DCC: variants seen among roughly 807,000 people sequenced by gnomAD.
DCC encodes netrin receptor DCC.
DCC carries 58 observed loss-of-function variants against 172.5 expected under a neutral mutation model. That is an observed-to-expected ratio of 0.34 (90% CI 0.27 to 0.42). The LOEUF (loss-of-function observed/expected upper bound fraction) is 0.42, where lower values mean the gene tolerates loss of function less well. Ranked by LOEUF, DCC falls within the 10% of genes least tolerant of loss-of-function variation. The probability of loss-of-function intolerance (pLI) is 1.00; values close to 1 mark genes in which losing one functional copy is unlikely to be tolerated. For missense variants in DCC, 1,740 were observed against 1,791.0 expected (o/e 0.97, Z 0.51); for synonymous variants, 709 against 644.5 (o/e 1.10, Z -1.52).
intron 1 of DCC, among the ~76,000 whole-genome samples, chr18:52,638,709 TAGAC>T (rs1197974858): frequency 2.6e-5 from 4 of 152,110 alleles, no homozygotes; most frequent in African/African-American, 7.2e-5. Context: ...AGTAATGAGA[TAGAC>T]AGAAATGAGA....
At chr18:53,349,526 A>G (rs145293428) in intron 15 of DCC, among the ~76,000 whole-genome samples, 2,527 of 152,222 alleles carry the variant, frequency 0.017, 35 homozygotes, top group Middle Eastern at 0.034. Context: ...CCAATTTACT[A>G]TGTTAGTCTA....
intron 18 of DCC, among the ~76,000 whole-genome samples, chr18:53,401,203 G>T (rs1599108800): frequency 1.3e-5 from 2 of 152,078 alleles, no homozygotes; most frequent in East Asian, 3.9e-4. Flanking sequence ...ATATTAGACT[G>T]CATATGTTAT....
intron 9 of DCC, among the ~76,000 whole-genome samples, chr18:53,183,352 A>C (rs2055227249): frequency 6.6e-6 from 1 of 152,010 alleles, no homozygotes; most frequent in African/African-American, 2.4e-5. Flanking sequence ...CCTTTGCTAA[A>C]CCCTTGCCCA....
intron 7 of DCC, among the ~76,000 whole-genome samples, chr18:53,110,303 T>C (rs956082734): frequency 4.0e-5 from 6 of 151,882 alleles, no homozygotes; most frequent in African/African-American, 1.2e-4. Flanking sequence ...GCAAAGCCTG[T>C]AGTTGGCATT....
At chr18:52,541,358 C>G (rs1037796699) in intron 1 of DCC, among the ~76,000 whole-genome samples, 2 of 152,176 alleles carry the variant, frequency 1.3e-5, no homozygotes, top group Admixed American at 1.3e-4. Flanking sequence ...ACCCTCAACA[C>G]TGTTGATGAT....
intron 15 of DCC, among the ~76,000 whole-genome samples, chr18:53,344,192 A>C (rs1406795990): frequency 6.6e-6 from 1 of 151,744 alleles, no homozygotes; most frequent in African/African-American, 2.4e-5. Context: ...TTCTATTTCT[A>C]ATTTATTGAC....
intron 2 of DCC, among the ~76,000 whole-genome samples, chr18:52,867,684 T>C (rs1268108990): frequency 6.6e-6 from 1 of 152,204 alleles, no homozygotes; most frequent in East Asian, 1.9e-4. Flanking sequence ...GTGTTTATAA[T>C]ATTCTCTGAT....
At chr18:52,981,641 TG>T (rs1770381318) in intron 5 of DCC, among the ~76,000 whole-genome samples, 1 of 152,192 alleles carries the variant, frequency 6.6e-6, no homozygotes, top group South Asian at 2.1e-4. Flanking sequence ...AATGTGAGAT[TG>T]GTACAATTAA....
chr18:53,199,665 T>C (rs1448247920), intron 9 of DCC, among the ~76,000 whole-genome samples: 2 of 151,862 alleles, frequency 1.3e-5, no homozygotes, highest in African/African-American at 4.8e-5. Flanking sequence ...AATAATGAAT[T>C]TGAATTTCTG....
chr18:53,529,738 T>C (rs1260034154), intron 28 of DCC, among the ~76,000 whole-genome samples: 1 of 152,200 alleles, frequency 6.6e-6, no homozygotes, highest in Non-Finnish European at 1.5e-5. Context: ...GATGTCTAGG[T>C]TCTTCCCATA....
At chr18:52,933,228 T>C (rs891723539) in intron 5 of DCC, among the ~76,000 whole-genome samples, 1 of 152,068 alleles carries the variant, frequency 6.6e-6, no homozygotes, top group African/African-American at 2.4e-5. Flanking sequence ...GCCTCTTGTG[T>C]ACTAAGCATT....
intron 15 of DCC, among the ~76,000 whole-genome samples, chr18:53,382,741 T>C (rs1176078268): frequency 6.6e-6 from 1 of 152,118 alleles, no homozygotes; most frequent in East Asian, 1.9e-4. Flanking sequence ...AAAAAAGAAA[T>C]ATTCCCTTTT....
chr18:53,332,899 T>C (rs1042554039), intron 14 of DCC, among the ~76,000 whole-genome samples: 3 of 152,084 alleles, frequency 2.0e-5, no homozygotes, highest in Non-Finnish European at 4.4e-5. Context: ...ACCCCATTTC[T>C]ACAAAAATTT....
chr18:52,916,301 A>G (rs529930923), intron 3 of DCC, among the ~76,000 whole-genome samples: 1 of 151,946 alleles, frequency 6.6e-6, no homozygotes, highest in East Asian at 1.9e-4. Flanking sequence ...CTTGTTACAC[A>G]TTTCTCAAAA....
At chr18:53,391,091 G>A (rs1034893575) in intron 16 of DCC, among the ~76,000 whole-genome samples, 1 of 152,154 alleles carries the variant, frequency 6.6e-6, no homozygotes, top group Admixed American at 6.5e-5. Context: ...GTGGATGTCA[G>A]GGTACTTTGT....
chr18:53,189,005 G>A (rs1432815562), intron 9 of DCC, among the ~76,000 whole-genome samples: 1 of 152,114 alleles, frequency 6.6e-6, no homozygotes, highest in Non-Finnish European at 1.5e-5. Flanking sequence ...GTCACATTCT[G>A]AGGTTCTGGG....
intron 2 of DCC, among the ~76,000 whole-genome samples, chr18:52,775,165 C>T (rs1400205391): frequency 6.6e-6 from 1 of 151,936 alleles, no homozygotes; most frequent in African/African-American, 2.4e-5. Context: ...AAAGGTTCGC[C>T]TGTCCCCCTC....
chr18:53,437,377 G>A (rs1002423092), intron 22 of DCC, among the ~76,000 whole-genome samples: 4 of 151,830 alleles, frequency 2.6e-5, no homozygotes, highest in East Asian at 1.9e-4. Context: ...TCAGGAAATC[G>A]AGACCATCCT....
chr18:52,471,219 G>T (rs1448596901), intron 1 of DCC, among the ~76,000 whole-genome samples: 1 of 152,114 alleles, frequency 6.6e-6, no homozygotes, highest in African/African-American at 2.4e-5. Context: ...GCATGGTTAT[G>T]CACACCTGTA....
Sources: gnomAD v4.1 joint callset for allele counts (sites outside exome capture counted in the v4.1 genomes callset) on GRCh38, gnomAD v4.1.1 for gene constraint, MANE v1.5 for transcripts, NCBI Gene and HGNC (gene_info 2026-07-23, HGNC 2026-07-21) for gene names.